Variants in COL26A1 observed in about 807,000 individuals in gnomAD.
COL26A1 encodes the protein collagen alpha-1(XXVI) chain.
In COL26A1, 41 loss-of-function variants were observed where a neutral mutation model predicts 59.3. That is an observed-to-expected ratio of 0.69 (90% CI 0.54 to 0.90). The LOEUF is 0.90. Ranked by LOEUF, COL26A1 falls within the 40% of genes least tolerant of loss-of-function variation. The pLI is 0.00. For missense variants in COL26A1, 612 were observed against 602.3 expected (o/e 1.02, Z -0.17); for synonymous variants, 266 against 256.0 (o/e 1.04, Z -0.37).
chr7:101,489,800 T>TG (rs1563007953), intron 3 of COL26A1, among the ~76,000 whole-genome samples: 126 of 2,468 alleles, frequency 0.051, 24 homozygotes, highest in Non-Finnish European at 0.074. Flanking sequence ...CTTTCTTTCT[T>TG]TCTTTCTTTC....
chr7:101,392,254 C>T (rs1791748392), intron 1 of COL26A1, among the ~76,000 whole-genome samples: 1 of 152,102 alleles, frequency 6.6e-6, no homozygotes, highest in South Asian at 2.1e-4. Flanking sequence ...AGTGAAGGTA[C>T]ATGAGGGCCA....
Position 101,532,990 on chromosome 7 carries a change from T to G in COL26A1, c.386-92T>G. ...CAAAATGACTGGAGATTTCTCTGCTTGCCTGCCTGCCCAGAGGCTATCCTG... is the reference window on the plus strand; with the variant it reads ...CAAAATGACTGGAGATTTCTCTGCTGGCCTGCCTGCCCAGAGGCTATCCTG... On this transcript the variant is annotated intron_variant, in intron 3 of 12. Transcript: ENST00000313669. The G allele has an allele frequency of 5.4e-6, 5 of 923,150 alleles. No homozygotes were observed. The South Asian group carries it at 7.2e-5, about 13-fold the overall frequency. 57.2% of individuals were successfully genotyped at this position (923,150 alleles called of 1,614,324 possible). A position where few individuals can be genotyped will look rare whatever the true frequency, so the allele number is the denominator to read the frequency against.
At chr7:101,551,220 CG>C in intron 10 of COL26A1, 77 bp downstream of exon 10, 9 of 114,038 alleles carry the variant, frequency 7.9e-5, no homozygotes, top group East Asian at 3.5e-4. Context: ...CACTGGGTGG[CG>C]GGGGTTGGTG....
At chr7:101,384,322 C>T (rs1361867889) in intron 1 of COL26A1, among the ~76,000 whole-genome samples, 8 of 150,838 alleles carry the variant, frequency 5.3e-5, no homozygotes, top group South Asian at 2.1e-4. Flanking sequence ...CTGCAACCTC[C>T]GCCTCCGGGG....
intron 1 of COL26A1, among the ~76,000 whole-genome samples, chr7:101,395,927 C>T (rs1043048167): frequency 6.6e-6 from 1 of 152,156 alleles, no homozygotes; most frequent in Admixed American, 6.5e-5. Flanking sequence ...AGAAAACCTT[C>T]TGGAACTTTG....
intron 10 of COL26A1, among the ~76,000 whole-genome samples, chr7:101,552,821 C>T (rs529909000): frequency 5.9e-5 from 9 of 152,298 alleles, no homozygotes; most frequent in African/African-American, 1.7e-4. Flanking sequence ...GCAGGAGAAT[C>T]GCTTGAACAC....
chr7:101,380,557 C>T lies in COL26A1; in HGVS notation c.158+17367C>T, dbSNP rs147131897. Among the ~76,000 whole-genome samples, 184 of 152,188 alleles carry T rather than the reference C, an allele frequency of 1.2e-3. 2 individuals carry two copies. Among genetic ancestry groups the T allele is most frequent in the Admixed American group, 5.8e-3 (88 of 15,264 alleles). ...CCAATCCACCCACCTTAGCCTCCCT[C>T]CTTTACCTTCTTAATAAATTTGTTT... is the stretch of plus-strand genomic sequence containing the variant. On this transcript the variant is annotated intron_variant, in intron 1 of 12. Transcript: ENST00000313669.
At chr7:101,455,123 A>C (rs1562988597) in intron 3 of COL26A1, among the ~76,000 whole-genome samples, 1 of 150,348 alleles carries the variant, frequency 6.7e-6, no homozygotes, top group East Asian at 2.0e-4. Context: ...ACTCACTGCA[A>C]CCTCCGCCTC....
At chr7:101,429,699 C>T (rs1460789483) in intron 2 of COL26A1, among the ~76,000 whole-genome samples, 1 of 145,068 alleles carries the variant, frequency 6.9e-6, no homozygotes, top group Non-Finnish European at 1.5e-5. Context: ...CTCAAGTGAT[C>T]CTCCTGCCTC....
chr7:101,540,189 A>T, intron 5 of COL26A1, 140 bp downstream of exon 5: 1 of 888,244 alleles, frequency 1.1e-6, no homozygotes, highest in South Asian at 2.0e-5. Flanking sequence ...AATTAAGCTA[A>T]CAGTTGAAAA....
rs149655997 is a variant in COL26A1, at chr7:101,406,072, C to G, written c.159-13905C>G. Among the ~76,000 whole-genome samples the G allele has an allele frequency of 7.7e-4, 118 of 152,340 alleles. No individual in the cohort carries two copies. The East Asian group carries it at 0.019, about 24-fold the overall frequency. ...TCCCCGGATGGAAATCCACACAACT[C>G]CTTTGCCCTTCAGACCTCCGTGCTG... On this transcript the variant is annotated intron_variant, in intron 1 of 12. Transcript: ENST00000313669.
At chr7:101,556,530 G>A (rs1190881889) in intron 12 of COL26A1, among the ~76,000 whole-genome samples, 1 of 152,172 alleles carries the variant, frequency 6.6e-6, no homozygotes, top group Non-Finnish European at 1.5e-5. Context: ...CAGGTGGATA[G>A]GTGGATGAGT....
At chr7:101,374,169 G>A (rs1266032591) in intron 1 of COL26A1, among the ~76,000 whole-genome samples, 1 of 152,166 alleles carries the variant, frequency 6.6e-6, no homozygotes, top group Non-Finnish European at 1.5e-5. Flanking sequence ...GCCTGGCCTT[G>A]TCTCTACCTG....
chr7:101,556,330 G>A (rs1321854654), intron 12 of COL26A1, among the ~76,000 whole-genome samples: 4 of 152,250 alleles, frequency 2.6e-5, no homozygotes, highest in Admixed American at 2.6e-4. Context: ...AACAGTGAAT[G>A]ATACCTCTGC....
intron 3 of COL26A1, among the ~76,000 whole-genome samples, chr7:101,489,057 G>A (rs35422294): frequency 0.28 from 42,004 of 152,096 alleles, 6,071 homozygotes; most frequent in Middle Eastern, 0.32. Flanking sequence ...GTGCTTCTAC[G>A]AATTTGCCTT....
rs1473567574 is a variant in COL26A1 at position 101,489,828 on chromosome 7, T to C, written c.385+42041T>C. 1.9e-3 allele frequency among the ~76,000 whole-genome samples: 21 copies of C among 10,912 alleles called. 1 individual carries two copies. The East Asian group carries it at 0.02, about 11-fold the overall frequency. 7.2% of individuals were successfully genotyped at this position (10,912 alleles called of 152,430 possible). A position where few individuals can be genotyped will look rare whatever the true frequency, so the allele number is the denominator to read the frequency against. On this transcript the variant is annotated intron_variant, in intron 3 of 12. Transcript: ENST00000313669. ...TTTCTTTCTTTCTTTCTTTCTTTCT[T>C]TCTTTCTTTCTTTCTTTCTTTCTTT...
intron 3 of COL26A1, among the ~76,000 whole-genome samples, chr7:101,457,960 G>A (rs1354434264): frequency 2.0e-5 from 3 of 147,196 alleles, no homozygotes; most frequent in African/African-American, 7.5e-5. Flanking sequence ...GCAATGGCAC[G>A]ATCTCGGCTC....
chr7:101,549,438 G>A (rs1436644267), intron 9 of COL26A1, among the ~76,000 whole-genome samples: 1 of 152,150 alleles, frequency 6.6e-6, no homozygotes, highest in African/African-American at 2.4e-5. Flanking sequence ...CTGGAGTGCA[G>A]TGGCGCCATC....
At chr7:101,449,743 C>T (rs1014706172) in intron 3 of COL26A1, among the ~76,000 whole-genome samples, 2 of 152,128 alleles carry the variant, frequency 1.3e-5, no homozygotes, top group African/African-American at 4.8e-5. Context: ...TCCCCAAGAC[C>T]ACCCTTAGGT....
Sources: allele counts gnomAD v4.1 joint callset (sites outside exome capture counted in the v4.1 genomes callset), GRCh38; gene constraint gnomAD v4.1.1; transcripts MANE v1.5; gene names NCBI Gene and HGNC (gene_info 2026-07-23, HGNC 2026-07-21).